PUDP: variants seen among roughly 807,000 people sequenced by gnomAD.
PUDP encodes pseudouridine-5'-phosphatase.
A neutral mutation model predicts 9.4 loss-of-function variants in PUDP; 8 were observed. The observed-to-expected ratio is 0.85, with a 90% confidence interval of 0.50 to 1.53. The LOEUF is 1.53. Ranked by LOEUF, PUDP falls within the 40% of genes most tolerant of loss-of-function variation. The probability of loss-of-function intolerance (pLI) is 0.00; values close to 1 mark genes in which losing one functional copy is unlikely to be tolerated. For missense variants in PUDP, 188 were observed against 189.7 expected, an observed-to-expected ratio of 0.99 and a Z score of 0.05; for synonymous variants, 99 against 80.7, an observed-to-expected ratio of 1.23 and a Z score of -1.22.
chrX:7,047,693 C>A (rs1358274761), downstream of PUDP, among the ~76,000 whole-genome samples: 1 of 112,222 alleles, frequency 8.9e-6, no homozygotes, highest in East Asian at 2.8e-4. Flanking sequence ...GATAATAGTT[C>A]TAGAGATTGC....
intron 3 of PUDP, 28 bp downstream of exon 3, chrX:7,077,192 A>G: frequency 8.5e-7 from 1 of 1,170,387 alleles, no homozygotes; most frequent in Non-Finnish European, 1.1e-6. Flanking sequence ...GTTGTGGAAC[A>G]CGGCCCGTGT....
chrX:7,082,436 A>G (rs1931126046), intron 2 of PUDP, among the ~76,000 whole-genome samples: 1 of 112,124 alleles, frequency 8.9e-6, no homozygotes, highest in Non-Finnish European at 1.9e-5. Context: ...ACTACCTAAG[A>G]CCTGCAGTGA....
intron 1 of PUDP, among the ~76,000 whole-genome samples, chrX:7,132,584 T>TG (rs1321055489): frequency 8.9e-6 from 1 of 111,786 alleles, no homozygotes; most frequent in Non-Finnish European, 1.9e-5. Flanking sequence ...ATAACTCACA[T>TG]ATTTGCATTA....
At chrX:6,875,658 C>G (rs1202364883) in intron 3 of PUDP, among the ~76,000 whole-genome samples, 3 of 111,699 alleles carry the variant, frequency 2.7e-5, no homozygotes, top group African/African-American at 9.8e-5. Flanking sequence ...CCTGGCATGA[C>G]CACTTTTCTC....
chrX:7,069,522 G>A (rs1930668068), intron 3 of PUDP, among the ~76,000 whole-genome samples: 3 of 110,532 alleles, frequency 2.7e-5, no homozygotes, highest in Admixed American at 1.9e-4. Context: ...GCTGGGTGCT[G>A]GGCATTCAGA....
At chrX:6,801,434 G>A (rs750439436) in intron 3 of PUDP, among the ~76,000 whole-genome samples, 49 of 112,424 alleles carry the variant, frequency 4.4e-4, no homozygotes, top group South Asian at 1.9e-3. Flanking sequence ...ACCGCCAACT[G>A]AGCAAAGGAG....
intron 3 of PUDP, among the ~76,000 whole-genome samples, chrX:6,828,885 G>A (rs1218943443): frequency 1.8e-5 from 2 of 109,964 alleles, no homozygotes; most frequent in African/African-American, 3.3e-5. Context: ...TTTTTTTAGT[G>A]TTGAACAATA....
chrX:6,900,563 A>AAGAGAGAGGGATACGGAGAG (rs752801559), intron 3 of PUDP, among the ~76,000 whole-genome samples: 1 of 105,280 alleles, frequency 9.5e-6, no homozygotes, highest in Non-Finnish European at 2.0e-5. Flanking sequence ...GAGGGAGAGA[A>AAGAGAGAGGGATACGGAGAG]GGAGAGAGGG....
At chrX:6,898,987 C>T (rs955942340) in intron 3 of PUDP, among the ~76,000 whole-genome samples, 1 of 111,776 alleles carries the variant, frequency 8.9e-6, no homozygotes, top group Admixed American at 9.5e-5. Flanking sequence ...CCTTCATTTG[C>T]ACCTACTTAA....
intron 3 of PUDP, among the ~76,000 whole-genome samples, chrX:6,891,157 C>T (rs1341145654): frequency 9.1e-6 from 1 of 110,486 alleles, no homozygotes; most frequent in Admixed American, 9.7e-5. Flanking sequence ...ACACATAAAA[C>T]AATGTTATGT....
chrX:6,815,490 T>A (rs1374015750), intron 3 of PUDP, among the ~76,000 whole-genome samples: 2 of 112,039 alleles, frequency 1.8e-5, no homozygotes, highest in Non-Finnish European at 3.8e-5. Flanking sequence ...TTAATTTGAT[T>A]TATCAAAGAG....
intron 3 of PUDP, among the ~76,000 whole-genome samples, chrX:6,917,810 G>A (rs1395032969): frequency 8.9e-6 from 1 of 111,917 alleles, no homozygotes; most frequent in Admixed American, 9.5e-5. Context: ...CCACTCTAAC[G>A]CATTGCTGAA....
At chrX:7,140,430 G>A (rs1324836140) in intron 1 of PUDP, among the ~76,000 whole-genome samples, 3 of 111,235 alleles carry the variant, frequency 2.7e-5, no homozygotes, top group Non-Finnish European at 3.8e-5. Context: ...CTGACCAGTC[G>A]CCTGAGCATC....
intron 1 of PUDP, among the ~76,000 whole-genome samples, chrX:7,036,555 T>C: frequency 9.1e-6 from 1 of 109,953 alleles, no homozygotes; most frequent in Non-Finnish European, 1.9e-5. Context: ...TTTTTCTCTA[T>C]CTCTGTCTTC....
chrX:7,024,832 C>G (rs1245481445), intron 1 of PUDP, among the ~76,000 whole-genome samples: 1 of 100,395 alleles, frequency 1.0e-5, no homozygotes, highest in Non-Finnish European at 2.0e-5. Flanking sequence ...ACCTCGTGAT[C>G]TGCCCACCTT....
At chrX:6,851,466 T>C (rs919852017) in intron 3 of PUDP, among the ~76,000 whole-genome samples, 2 of 109,421 alleles carry the variant, frequency 1.8e-5, no homozygotes, top group African/African-American at 6.7e-5. Context: ...CTTGGTGGGG[T>C]GGGATGAAAG....
intron 3 of PUDP, among the ~76,000 whole-genome samples, chrX:6,751,920 C>CATATAATGAT (rs1925095429): frequency 9.0e-6 from 1 of 110,958 alleles, no homozygotes; most frequent in African/African-American, 3.3e-5. Context: ...TATAACCCCT[C>CATATAATGAT]TCTGTCCTGA....
At chrX:7,067,651 G>A (rs1930603657) in intron 3 of PUDP, among the ~76,000 whole-genome samples, 1 of 111,758 alleles carries the variant, frequency 8.9e-6, no homozygotes, top group Non-Finnish European at 1.9e-5. Flanking sequence ...AGGATCACGA[G>A]ACTAAGTGTC....
chrX:6,930,844 T>C (rs1334327867), intron 3 of PUDP, among the ~76,000 whole-genome samples: 1 of 110,872 alleles, frequency 9.0e-6, no homozygotes, highest in African/African-American at 3.3e-5. Flanking sequence ...CTGACCTTGC[T>C]TTCTTGTTTG....
Sources: allele counts gnomAD v4.1 joint callset (sites outside exome capture counted in the v4.1 genomes callset), GRCh38; gene constraint gnomAD v4.1.1; transcripts MANE v1.5; gene names NCBI Gene and HGNC (gene_info 2026-07-23, HGNC 2026-07-21).